The following LONP1 variants were observed in gnomAD, a reference collection of about 807,000 sequenced individuals.
LONP1 encodes the protein lon peptidase 1, mitochondrial.
LONP1 carries 31 observed loss-of-function variants against 98.5 expected under a neutral mutation model. The ratio of observed to expected loss-of-function variants is 0.31; its 90% CI spans 0.24 to 0.42. The LOEUF is 0.42. LONP1 is among the 20% of genes least tolerant of loss of function. The pLI, the probability that LONP1 is intolerant of heterozygous loss-of-function variation, is 1.00. For synonymous variants in LONP1, 781 were observed against 594.7 expected (o/e 1.31, Z -4.56); for missense variants, 1,336 against 1,350.6 (o/e 0.99, Z 0.17).
In LONP1 at chr19:5,697,275, A is replaced by G. The variant is rs554061968; in HGVS notation, c.1686-518T>C. Among the ~76,000 whole-genome samples, 4 of 151,976 alleles carry G rather than the reference A, an allele frequency of 2.6e-5. No homozygotes were observed. In the South Asian group the frequency reaches 8.3e-4, roughly 32 times the overall value. ...GGGATGAAGACACAGGGAGGCAGGGATGGAGGGACTGAGATGCCACTGGGA... is the reference window on the plus strand; with the variant it reads ...GGGATGAAGACACAGGGAGGCAGGGGTGGAGGGACTGAGATGCCACTGGGA... On this transcript the variant is annotated intron_variant, in intron 10 of 17. Coordinates refer to ENST00000360614, the MANE Select transcript of LONP1 (RefSeq NM_004793.4).
chr19:5,716,656 C>T (rs1462525333), intron 1 of LONP1, among the ~76,000 whole-genome samples: 3 of 151,104 alleles, frequency 2.0e-5, no homozygotes, highest in East Asian at 3.9e-4. Context: ...AGAGACAGAA[C>T]GCTTGTACCT....
chr19:5,705,831 A>G lies in LONP1; in HGVS notation c.1308T>C (p.Asp436=). 1 of 1,614,134 alleles carries G rather than the reference A, an allele frequency of 6.2e-7. No homozygotes were observed. Among genetic ancestry groups the G allele is most frequent in the Non-Finnish European group, 8.5e-7 (1 of 1,180,042 alleles). The change falls in exon 8 of 18, where the codon GAT becomes GAC. Residue 436 remains aspartate (D), a synonymous_variant. Coordinates refer to ENST00000360614, the MANE Select transcript of LONP1 (RefSeq NM_004793.4). The stretch of plus-strand genomic sequence containing the variant: ...GCTTGCTCAGCTCCTCGTCCACAAC[A>G]TCCATGACGTGCTTGGGGACCACGA... ...KELVVPKHVM[D]VVDEELSKLG...
rs370407204 is a variant in LONP1 at position 5,707,697 on chromosome 19, A to G, written c.1062T>C (p.Asn354=). The change falls in exon 6 of 18, where the codon AAT becomes AAC. Residue 354 remains asparagine, a splice_region_variant and synonymous_variant. Transcript: ENST00000360614. ...GGCTGTGGAGGTGACGAGCACTCACATTGGTCTCTTCCAGGACGTCCTGCA... is the reference window on the plus strand; with the variant it reads ...GGCTGTGGAGGTGACGAGCACTCACGTTGGTCTCTTCCAGGACGTCCTGCA... The part of the protein sequence containing the change: ...HELQDVLEET[N]IPKRLYKALS... 1.2e-6 allele frequency: 2 copies of G among 1,609,096 alleles called. No homozygotes were observed. Among genetic ancestry groups the G allele is most frequent in the African/African-American group, 1.3e-5 (1 of 74,830 alleles).
intron 6 of LONP1, 143 bp downstream of exon 6, chr19:5,707,554 G>T: frequency 1.2e-6 from 1 of 814,232 alleles, no homozygotes; most frequent in Non-Finnish European, 2.0e-6. Flanking sequence ...ACACAGCTGG[G>T]TGTGGATGGT....
At chr19:5,717,602 C>A (rs1451180024) in intron 1 of LONP1, 1 of 152,238 alleles carries the variant, frequency 6.6e-6, no homozygotes, top group Non-Finnish European at 1.5e-5. Context: ...TGAACACCAT[C>A]CTGGGCCCAG....
At position 5,707,666 on chromosome 19, in the gene LONP1, G is replaced by C. The variant is rs746517904; in HGVS notation, c.1062+31C>G. 4.4e-6 allele frequency: 7 copies of C among 1,592,466 alleles called. No homozygotes were observed. In the Admixed American group the frequency reaches 5.1e-5, roughly 12 times the overall value. On this transcript the variant is annotated intron_variant, in intron 6 of 17. Coordinates refer to ENST00000360614, the MANE Select transcript of LONP1 (RefSeq NM_004793.4). ...TAGTGGAGGTGGGGTGCAGCCAGGC[G>C]TGGGGGGCTGTGGAGGTGACGAGCA...
chr19:5,696,808 C>A, intron 10 of LONP1, 51 bp from the exon 11 acceptor site: 1 of 1,281,048 alleles, frequency 7.8e-7, no homozygotes, highest in Non-Finnish European at 1.1e-6. Flanking sequence ...GGCTCGGCCA[C>A]AACGACACCA....
rs760444890 is a variant in LONP1 at position 5,705,756 on chromosome 19, C to T, written c.1367+16G>A. ...GGGTCACCTGAGGGCTGGGCCGCCCCGGGCCTGGCACTCACTTGAACTCCG... is the reference window on the plus strand; with the variant it reads ...GGGTCACCTGAGGGCTGGGCCGCCCTGGGCCTGGCACTCACTTGAACTCCG... On this transcript the variant is annotated intron_variant, in intron 8 of 17. Transcript: ENST00000360614. 34 of 1,612,380 alleles carry T rather than the reference C, an allele frequency of 2.1e-5. No homozygotes were observed. Among genetic ancestry groups the T allele is most frequent in the East Asian group, 1.1e-4 (5 of 44,868 alleles).
upstream of LONP1, chr19:5,720,219 C>T: frequency 7.2e-7 from 1 of 1,382,078 alleles, no homozygotes; most frequent in Non-Finnish European, 9.3e-7. Flanking sequence ...GCCTCGGTAC[C>T]CGATGGGCGC....
At chr19:5,696,496 C>G (rs538284201) in intron 11 of LONP1, 125 bp from the exon 12 acceptor site, 59 of 1,394,516 alleles carry the variant, frequency 4.2e-5, no homozygotes, top group Non-Finnish European at 5.2e-5. Context: ...CTGCCTTGGA[C>G]GGGCAGCCTG....
intron 5 of LONP1, 194 bp downstream of exon 5, chr19:5,708,148 G>T: frequency 1.6e-6 from 1 of 626,024 alleles, no homozygotes. Flanking sequence ...AAAGAAACTG[G>T]GCCTGCTGAG....
At chr19:5,693,171 G>T in intron 17 of LONP1, 127 bp downstream of exon 17, 3 of 1,186,296 alleles carry the variant, frequency 2.5e-6, no homozygotes, top group Non-Finnish European at 3.5e-6. Context: ...AGGCCAGAGA[G>T]ACCTGCTTCC....
chr19:5,699,271 C>A (rs779357288), intron 9 of LONP1, 66 bp from the exon 10 acceptor site: 107 of 1,306,810 alleles, frequency 8.2e-5, no homozygotes, highest in Non-Finnish European at 1.1e-4. Context: ...GCATGACTCT[C>A]GCCACCTGCA....
intron 17 of LONP1, among the ~76,000 whole-genome samples, chr19:5,692,686 T>G (rs1460832583): frequency 6.6e-6 from 1 of 152,172 alleles, no homozygotes. Context: ...CAGTTCCCAC[T>G]GTCACCGCAC....
intron 17 of LONP1, among the ~76,000 whole-genome samples, chr19:5,692,780 G>A (rs2054851487): frequency 6.6e-6 from 1 of 152,144 alleles, no homozygotes; most frequent in South Asian, 2.1e-4. Flanking sequence ...CCAATTCAAG[G>A]TGGTCACAGC....
At chr19:5,714,302 C>A (rs1033183502) in intron 1 of LONP1, 31 bp from the exon 2 acceptor site, 1 of 1,487,236 alleles carries the variant, frequency 6.7e-7, no homozygotes, top group South Asian at 1.1e-5. Flanking sequence ...AAGTGAAATG[C>A]AGAGTAGATT....
rs779845029 is a variant in LONP1, at chr19:5,719,781, G to T, written c.352C>A (p.Pro118Thr). ...VITALTPMTI[P>T]DVFPHLPLIA... is the part of the protein sequence containing the mutation. ...AGCGGCAGGTGCGGAAACACATCGG[G>T]GATCGTCATGGGCGTGAGCGCCGTT... The change falls in exon 1 of 18, where the codon CCC (proline) becomes ACC (threonine). Residue 118 changes from proline (P) to threonine (T), a missense_variant. Pro to Thr is a conservative substitution (Grantham distance 38). Around this residue, in one of 5 missense-constraint regions of LONP1, gnomAD observed 457 missense variants for 403.1 expected, o/e 1.13. Coordinates refer to ENST00000360614, the MANE Select transcript of LONP1 (RefSeq NM_004793.4). 6.2e-6 allele frequency: 10 copies of T among 1,613,228 alleles called. No individual in the cohort carries two copies. The highest frequency in any genetic ancestry group is 2.2e-5 in the East Asian group (1 of 44,888).
chr19:5,702,773 T>G (rs1568319506), intron 8 of LONP1, among the ~76,000 whole-genome samples: 1 of 151,338 alleles, frequency 6.6e-6, no homozygotes, highest in Non-Finnish European at 1.5e-5. Context: ...TTAAATGGAT[T>G]AAGGGCGGTG....
At chr19:5,716,019 G>A (rs2055312589) in intron 1 of LONP1, among the ~76,000 whole-genome samples, 1 of 151,690 alleles carries the variant, frequency 6.6e-6, no homozygotes, top group Admixed American at 6.6e-5. Context: ...GGCGCAAGGA[G>A]CTCACCTGAT....
Sources: gnomAD v4.1 joint callset for allele counts (sites outside exome capture counted in the v4.1 genomes callset) on GRCh38, gnomAD v4.1.1 for gene constraint, gnomAD v4.1.1 regional missense constraint, MANE v1.5 for transcripts, NCBI Gene and HGNC (gene_info 2026-07-23, HGNC 2026-07-21) for gene names.